The following KIAA0586 variants were observed in gnomAD, a reference collection of about 807,000 sequenced individuals.
KIAA0586 encodes protein TALPID3.
A neutral mutation model predicts 169.8 loss-of-function variants in KIAA0586; 144 were observed. The ratio of observed to expected loss-of-function variants is 0.85; its 90% confidence interval spans 0.74 to 0.97. The LOEUF (loss-of-function observed/expected upper bound fraction) is 0.97. KIAA0586 is among the 50% of genes least tolerant of loss of function. KIAA0586 has a pLI of 0.00. For missense variants in KIAA0586, 1,854 were observed against 1,823.0 expected, an observed-to-expected ratio of 1.02 and a Z score of -0.31; for synonymous variants, 625 against 612.4, an observed-to-expected ratio of 1.02 and a Z score of -0.30.
intron 29 of KIAA0586, 58 bp from the exon 30 acceptor site, chr14:58,540,013 A>G: frequency 9.9e-7 from 1 of 1,010,190 alleles, no homozygotes; most frequent in Non-Finnish European, 1.5e-6. Flanking sequence ...ATAGGAATGA[A>G]TCATGATTAT....
chr14:58,557,661 A>G, the KIAA0586 span, among the ~76,000 whole-genome samples: 1 of 152,078 alleles, frequency 6.6e-6, no homozygotes, highest in South Asian at 2.1e-4. Flanking sequence ...TGTAGCCACC[A>G]GACTGAGAGA....
chr14:58,469,260 G>T (rs1234010176), intron 16 of KIAA0586, among the ~76,000 whole-genome samples: 1 of 152,194 alleles, frequency 6.6e-6, no homozygotes, highest in African/African-American at 2.4e-5. Context: ...GCAGTCAATG[G>T]ATCTCAGGAA....
chr14:58,429,416 C>A lies in KIAA0586; in HGVS notation c.253C>A (p.Pro85Thr). The change falls in exon 2 of 31, where the codon CCC becomes ACC. Residue 85 changes from proline to threonine, a missense_variant. Physicochemically the swap from Pro to Thr is conservative, Grantham distance 38. Coordinates refer to ENST00000652326, the MANE Select transcript of KIAA0586 (RefSeq NM_001329943.3). Reference sequence around the variant, plus strand: ...TTGTTACCAGCCTCTATTAGAAAATCCCATGGTGTCAGAAAGTGTAAGCAA... The same window carrying A: ...TTGTTACCAGCCTCTATTAGAAAATACCATGGTGTCAGAAAGTGTAAGCAA... ...RNCYQPLLEN[P>T]MVSESDFSKD... The A allele has an allele frequency of 6.3e-7, 1 of 1,591,400 alleles. No individual in the cohort carries two copies. The highest frequency in any genetic ancestry group is 8.6e-7 in the Non-Finnish European group (1 of 1,159,706).
At chr14:58,554,985 T>C (rs186895650), downstream of KIAA0586, among the ~76,000 whole-genome samples, 2 of 152,260 alleles carry the variant, frequency 1.3e-5, no homozygotes, top group South Asian at 2.1e-4. Context: ...AGGACTGTTA[T>C]GGTGAAATGA....
At chr14:58,498,265 T>C (rs1041695150) in intron 26 of KIAA0586, among the ~76,000 whole-genome samples, 9 of 152,166 alleles carry the variant, frequency 5.9e-5, no homozygotes, top group Admixed American at 1.3e-4. Flanking sequence ...AGCCTCTGCC[T>C]CCTGGGTTCA....
chr14:58,531,502 C>G (rs1256698817), intron 29 of KIAA0586, among the ~76,000 whole-genome samples: 1 of 152,088 alleles, frequency 6.6e-6, no homozygotes, highest in East Asian at 1.9e-4. Context: ...CATCTCATGC[C>G]AGTTAGAATG....
Position 58,450,716 on chromosome 14 carries a change from A to G in KIAA0586, c.1099A>G (p.Lys367Glu). 1 of 1,607,456 alleles carries G rather than the reference A, an allele frequency of 6.2e-7. No homozygotes were observed. The highest frequency in any genetic ancestry group is 2.2e-5 in the East Asian group (1 of 44,790). The stretch of plus-strand genomic sequence containing the variant: ...AAAGAGGGAAAATCTTTTGGAAGAA[A>G]AAGAAAATATGGAAGTGTCGTGTCA... ...LSKRENLLEE[K>E]ENMEVSCHRG... The change falls in exon 8 of 31, where the codon AAA becomes GAA. Residue 367 changes from lysine (K) to glutamate (E), a missense_variant. By Grantham distance (56) the Lys-to-Glu change is moderately conservative. Transcript: ENST00000652326.
At chr14:58,539,894 C>T in intron 29 of KIAA0586, 177 bp from the exon 30 acceptor site, 1 of 471,540 alleles carries the variant, frequency 2.1e-6, no homozygotes, top group Non-Finnish European at 3.8e-6. Context: ...CATTAAAATT[C>T]AGCTGTTTAA....
At chr14:58,521,368 A>G (rs2045212974) in intron 29 of KIAA0586, 2 of 974,280 alleles carry the variant, frequency 2.1e-6, no homozygotes, top group African/African-American at 1.6e-5. Context: ...TGCTCTGTTC[A>G]TAAGGGCTTT....
In KIAA0586 at chr14:58,448,454, T is replaced by A; in HGVS notation, c.922T>A (p.Cys308Ser). Residue 308 changes from cysteine (C) to serine (S), a missense_variant, in exon 7 of 31, where the codon TGT becomes AGT. By Grantham distance (112) the Cys-to-Ser change is moderately radical. Transcript: ENST00000652326. ...ACCAGAACACCCTAATCTTGGTAGC[T>A]GTAATCCATCTTTATATAACACATT... Reference protein sequence around the residue: ...VKPEHPNLGSCNPSLYNTFAS... With the variant: ...VKPEHPNLGSSNPSLYNTFAS... 2 of 1,612,212 alleles carry A rather than the reference T, an allele frequency of 1.2e-6. No homozygotes were observed. The highest frequency in any genetic ancestry group is 1.7e-6 in the Non-Finnish European group (2 of 1,178,568).
rs746882477 is a variant in KIAA0586 at position 58,465,959 on chromosome 14, C to A, written c.2184C>A (p.Ser728Arg). 2.5e-6 allele frequency: 4 copies of A among 1,613,320 alleles called. No individual in the cohort carries two copies. Among genetic ancestry groups the A allele is most frequent in the Non-Finnish European group, 2.5e-6 (3 of 1,179,406 alleles). Reference sequence around the variant, plus strand: ...ATGGCGATCAGCAATATTTGTTCAGCCCAAGTAGAGAAATGCCTACTTTTT... The same window carrying A: ...ATGGCGATCAGCAATATTTGTTCAGACCAAGTAGAGAAATGCCTACTTTTT... Reference protein sequence around the residue: ...LPHGDQQYLFSPSREMPTFSG... With the variant: ...LPHGDQQYLFRPSREMPTFSG... Residue 728 changes from serine to arginine, a missense_variant, in exon 15 of 31, where the codon AGC (serine) becomes AGA (arginine). By Grantham distance (110) the Ser-to-Arg change is moderately radical. Coordinates refer to ENST00000652326, the MANE Select transcript of KIAA0586 (RefSeq NM_001329943.3).
chr14:58,492,931 C>T (rs1262125454), intron 26 of KIAA0586, among the ~76,000 whole-genome samples: 1 of 152,174 alleles, frequency 6.6e-6, no homozygotes, highest in Non-Finnish European at 1.5e-5. Context: ...GAATCAGATA[C>T]ATCTGGAGAA....
chr14:58,488,980 G>A, intron 24 of KIAA0586, 106 bp downstream of exon 24: 3 of 1,228,600 alleles, frequency 2.4e-6, no homozygotes, highest in Non-Finnish European at 3.4e-6. Flanking sequence ...GATTTAACAT[G>A]GTATAGTAGA....
At chr14:58,467,455 T>G (rs2040856274) in intron 15 of KIAA0586, among the ~76,000 whole-genome samples, 1 of 152,214 alleles carries the variant, frequency 6.6e-6, no homozygotes, top group African/African-American at 2.4e-5. Flanking sequence ...GTGAAAGTTT[T>G]TGACATTTTA....
chr14:58,526,238 C>T (rs143547940), intron 29 of KIAA0586, among the ~76,000 whole-genome samples: 73 of 152,290 alleles, frequency 4.8e-4, no homozygotes, highest in Non-Finnish European at 8.4e-4. Context: ...TCAAGGGGGT[C>T]GCTGACCCCC....
intron 17 of KIAA0586, among the ~76,000 whole-genome samples, chr14:58,471,304 G>T (rs1017358524): frequency 1.3e-5 from 2 of 152,204 alleles, no homozygotes; most frequent in Non-Finnish European, 2.9e-5. Flanking sequence ...CTTTGGTGAT[G>T]AATCTTTGAT....
In KIAA0586 at chr14:58,548,688, AT is replaced by A. The variant is rs2047125047; in HGVS notation, c.*757del. On this transcript the variant is annotated 3_prime_UTR_variant, in exon 31 of 31. Coordinates refer to ENST00000652326, the MANE Select transcript of KIAA0586 (RefSeq NM_001329943.3). ...TGAACTTCAGTTGTGATAGAAAAAA[AT>A]CATCAGTGAGATTAATTTTTATATG... 6.6e-6 allele frequency: 1 copy of A among 152,350 alleles called. No individual in the cohort carries two copies. The highest frequency in any genetic ancestry group is 1.5e-5 in the Non-Finnish European group (1 of 68,032). The allele number at this position is 152,350 out of a possible 1,614,324, so 9.4% of individuals were successfully genotyped here. A position where few individuals can be genotyped will look rare whatever the true frequency, so the allele number is the denominator to read the frequency against.
intron 4 of KIAA0586, among the ~76,000 whole-genome samples, chr14:58,437,100 G>A (rs1003123598): frequency 2.6e-4 from 39 of 152,352 alleles, no homozygotes; most frequent in African/African-American, 9.1e-4. Flanking sequence ...GGAGTTTTCA[G>A]GGAGGAGTGA....
chr14:58,441,600 A>G (rs576686852), intron 4 of KIAA0586, among the ~76,000 whole-genome samples: 1 of 152,180 alleles, frequency 6.6e-6, no homozygotes, highest in African/African-American at 2.4e-5. Context: ...ATCTCAATTG[A>G]TTGTTCACAG....
Sources: allele counts gnomAD v4.1 joint callset (sites outside exome capture counted in the v4.1 genomes callset), GRCh38; gene constraint gnomAD v4.1.1; transcripts MANE v1.5; gene names NCBI Gene and HGNC (gene_info 2026-07-23, HGNC 2026-07-21).